CELF2: variants seen among roughly 807,000 people sequenced by gnomAD.
CELF2 encodes CUGBP Elav-like family member 2, also known as CUG triplet repeat RNA-binding protein 2.
Under a neutral mutation model 62.6 loss-of-function variants are expected in CELF2, and 8 were observed. The observed-to-expected ratio is 0.13, with a 90% CI of 0.07 to 0.23. The LOEUF is 0.23. CELF2 is among the 10% of genes least tolerant of loss of function. The pLI is 1.00. For missense variants in CELF2, 333 were observed against 671.0 expected, an observed-to-expected ratio of 0.50 and a Z score of 5.56; for synonymous variants, 258 against 250.0, an observed-to-expected ratio of 1.03 and a Z score of -0.30.
chr10:11,240,006 C>T (rs1292934510), intron 3 of CELF2, among the ~76,000 whole-genome samples: 1 of 152,156 alleles, frequency 6.6e-6, no homozygotes, highest in Non-Finnish European at 1.5e-5. Context: ...GAGCTAACGT[C>T]ATGCCATTGC....
In CELF2 at chr10:11,205,433, G is replaced by T. The variant is rs189669828; in HGVS notation, c.272-11992G>T. Among the ~76,000 whole-genome samples the T allele has an allele frequency of 4.6e-5, 7 of 152,344 alleles. No homozygotes were observed. In the East Asian group the frequency reaches 1.3e-3, roughly 29 times the overall value. Reference sequence around the variant, plus strand: ...GTTAAATTTAAAGTGGACAATAGCTGCTAACATTTACTAAGCACTCTTATT... The same window carrying T: ...GTTAAATTTAAAGTGGACAATAGCTTCTAACATTTACTAAGCACTCTTATT... On this transcript the variant is annotated intron_variant, in intron 2 of 12. Transcript: ENST00000633077.
At chr10:10,864,584 G>A (rs2060240441) in intron 1 of CELF2, among the ~76,000 whole-genome samples, 1 of 152,266 alleles carries the variant, frequency 6.6e-6, no homozygotes, top group East Asian at 1.9e-4. Context: ...CCTTCTGGCT[G>A]TGTCCTTACA....
chr10:11,243,245 C>G lies in CELF2; in HGVS notation c.355-5908C>G, dbSNP rs1288494451. Among the ~76,000 whole-genome samples, 3 of 151,954 alleles carry G rather than the reference C, an allele frequency of 2.0e-5. No homozygotes were observed. The highest frequency in any genetic ancestry group is 4.8e-5 in the African/African-American group (2 of 41,346). ...CCCCGGGAGGGAGAAAGGGAAGGAG[C>G]CTTTGAAATTTCCCCTTTCGCTATG... On this transcript the variant is annotated intron_variant, in intron 3 of 12. Transcript: ENST00000633077. The surrounding 1 kb of genome is among the most constrained non-coding windows in gnomAD (Gnocchi z 4.1).
rs1232347710 is a variant in CELF2 at position 11,159,107 on chromosome 10, T to C, written c.75-6379T>C. ...CCATGTGGATTCACTAGCTGATGTG[T>C]GGCCATCTCAGAGATGGTTTGGGGC... On this transcript the variant is annotated intron_variant, in intron 1 of 12. Transcript: ENST00000633077. The surrounding 1 kb of genome is among the most constrained non-coding windows in gnomAD (Gnocchi z 5.0). Among the ~76,000 whole-genome samples, 1 of 152,196 alleles carries C rather than the reference T, an allele frequency of 6.6e-6. No homozygotes were observed. The highest frequency in any genetic ancestry group is 1.5e-5 in the Non-Finnish European group (1 of 68,032).
At chr10:10,771,723 C>T in the CELF2 span, among the ~76,000 whole-genome samples, 6 of 152,350 alleles carry the variant, frequency 3.9e-5, no homozygotes, top group East Asian at 9.6e-4. Context: ...TCCTTGCCTT[C>T]CACCATGATT....
At chr10:10,886,502 G>A (rs547676374) in intron 1 of CELF2, among the ~76,000 whole-genome samples, 55 of 152,260 alleles carry the variant, frequency 3.6e-4, no homozygotes, top group South Asian at 8.3e-4. Context: ...ACGAAGAAGA[G>A]TCTGACAACT....
chr10:11,064,508 CTG>C (rs2067573921), intron 1 of CELF2, among the ~76,000 whole-genome samples: 1 of 152,188 alleles, frequency 6.6e-6, no homozygotes, highest in African/African-American at 2.4e-5. Context: ...GTGTTTAACA[CTG>C]TGGAAGAAGT....
At chr10:10,703,896 G>C in the CELF2 span, among the ~76,000 whole-genome samples, 1 of 152,182 alleles carries the variant, frequency 6.6e-6, no homozygotes, top group African/African-American at 2.4e-5. Flanking sequence ...CAGTGTAGTA[G>C]GCTGGGATGC....
rs766431478 is a variant in CELF2 at position 11,315,103 on chromosome 10, C to T, written c.1096+845C>T. ...GCAGTGTGCCGGCCAGAGGATAAGT[C>T]GTGTTTTAGATTCATGCTCGGTGTG... is the stretch of plus-strand genomic sequence containing the variant. On this transcript the variant is annotated intron_variant, in intron 10 of 12. Transcript: ENST00000633077. The surrounding 1 kb of genome is among the most constrained non-coding windows in gnomAD (Gnocchi z 5.8). Among the ~76,000 whole-genome samples the T allele has an allele frequency of 1.6e-4, 24 of 152,236 alleles. No individual in the cohort carries two copies. The highest frequency in any genetic ancestry group is 2.8e-4 in the Non-Finnish European group (19 of 68,016).
the CELF2 span, among the ~76,000 whole-genome samples, chr10:10,543,498 TCA>T: frequency 1.3e-5 from 2 of 152,102 alleles, 1 homozygote; most frequent in South Asian, 4.2e-4. Flanking sequence ...ACAGAGAAAC[TCA>T]CATGTAAACA....
At chr10:11,152,571 C>A (rs1300632744) in intron 1 of CELF2, among the ~76,000 whole-genome samples, 1 of 152,174 alleles carries the variant, frequency 6.6e-6, no homozygotes, top group African/African-American at 2.4e-5. Flanking sequence ...ACCTTTTAAC[C>A]TTTTCACTCA....
chr10:10,758,194 G>A, the CELF2 span, among the ~76,000 whole-genome samples: 23,205 of 152,224 alleles, frequency 0.15, 1,981 homozygotes, highest in East Asian at 0.29. Context: ...AGCACGGCTG[G>A]AGAGGGAAGA....
chr10:10,986,760 C>T (rs2052802951), intron 2 of CELF2, among the ~76,000 whole-genome samples: 1 of 152,186 alleles, frequency 6.6e-6, no homozygotes, highest in African/African-American at 2.4e-5. Context: ...GCAATGTCTG[C>T]CACATTGCAA....
intron 1 of CELF2, among the ~76,000 whole-genome samples, chr10:10,841,910 C>G (rs2058710301): frequency 6.6e-6 from 1 of 152,084 alleles, no homozygotes; most frequent in South Asian, 2.1e-4. Flanking sequence ...AATATTGAGA[C>G]TTTCAAAATG....
In CELF2 at chr10:11,314,516, C is replaced by T; in HGVS notation, c.1096+258C>T. 1.9e-6 allele frequency: 1 copy of T among 516,572 alleles called. No individual in the cohort carries two copies. The highest frequency in any genetic ancestry group is 3.6e-6 in the Non-Finnish European group (1 of 281,082). The allele number at this position is 516,572 out of a possible 1,614,324, so 32.0% of individuals were successfully genotyped here. ...TGTGCTCATCCATGGGGTTCTGTGG[C>T]TGGCAGCTCTTTTCAGGTTTCCAGG... On this transcript the variant is annotated intron_variant, in intron 10 of 12. Coordinates refer to ENST00000633077, the MANE Select transcript of CELF2 (RefSeq NM_001326342.2). The surrounding 1 kb of genome is among the most constrained non-coding windows in gnomAD (Gnocchi z 5.3).
rs948506160 is a variant in CELF2 at position 11,283,349 on chromosome 10, G to A, written c.842-5069G>A. On this transcript the variant is annotated intron_variant, in intron 8 of 12. Coordinates refer to ENST00000633077, the MANE Select transcript of CELF2 (RefSeq NM_001326342.2). ...TCCCTGCTCTGATATCCAGCAATCT[G>A]CTCGGGTACACAGACTATCATGTTT... 2.6e-5 allele frequency among the ~76,000 whole-genome samples: 4 copies of A among 152,224 alleles called. No individual in the cohort carries two copies. The East Asian group carries it at 5.8e-4, about 22-fold the overall frequency.
Position 11,237,428 on chromosome 10 carries a change from A to G in CELF2, c.355-11725A>G, listed in dbSNP as rs890151810. 1.3e-5 allele frequency among the ~76,000 whole-genome samples: 2 copies of G among 152,124 alleles called. No homozygotes were observed. Among genetic ancestry groups the G allele is most frequent in the Non-Finnish European group, 2.9e-5 (2 of 68,016 alleles). On this transcript the variant is annotated intron_variant, in intron 3 of 12. Transcript: ENST00000633077. The surrounding 1 kb of genome is among the most constrained non-coding windows in gnomAD (Gnocchi z 4.0). ...GGGGTGAGGCAGGAGTGTGGCTGGAAGAGTCTGAGTAGTAGGTCATCCTGG... is the reference window on the plus strand; with the variant it reads ...GGGGTGAGGCAGGAGTGTGGCTGGAGGAGTCTGAGTAGTAGGTCATCCTGG...
chr10:10,935,327 A>G (rs569840937), intron 2 of CELF2: 1 of 152,338 alleles, frequency 6.6e-6, no homozygotes, highest in East Asian at 1.9e-4. Flanking sequence ...ACCAGGGTGA[A>G]TGGAAACCCA....
chr10:10,637,393 T>C, the CELF2 span, among the ~76,000 whole-genome samples: 4 of 152,300 alleles, frequency 2.6e-5, no homozygotes, highest in East Asian at 7.7e-4. Context: ...CAATTTGCTC[T>C]GCACTATACT....
Sources: gnomAD v4.1 joint callset for allele counts (sites outside exome capture counted in the v4.1 genomes callset) on GRCh38, gnomAD v4.1.1 for gene constraint, Gnocchi (gnomAD v3.1) non-coding constraint, MANE v1.5 for transcripts, NCBI Gene and HGNC (gene_info 2026-07-23, HGNC 2026-07-21) for gene names.